Variants in PRAME observed in about 807,000 individuals in gnomAD.
PRAME encodes the protein melanoma antigen preferentially expressed in tumors.
Under a neutral mutation model 32.1 loss-of-function variants are expected in PRAME, and 21 were observed. That is an observed-to-expected ratio of 0.65 (90% CI 0.46 to 0.94). The LOEUF (loss-of-function observed/expected upper bound fraction) is 0.94. Among genes scored for constraint, PRAME ranks in the 40% least tolerant of loss-of-function variants. The pLI is 0.00. For synonymous variants in PRAME, 274 were observed against 251.5 expected, an observed-to-expected ratio of 1.09 and a Z score of -0.85; for missense variants, 651 against 622.3, an observed-to-expected ratio of 1.05 and a Z score of -0.49.
intron 3 of PRAME, among the ~76,000 whole-genome samples, chr22:22,552,123 A>T (rs1009343964): frequency 2.0e-5 from 3 of 150,400 alleles, no homozygotes; most frequent in African/African-American, 7.3e-5. Context: ...TCTCTATTAA[A>T]AAAAAAAAAA....
At chr22:22,551,386 T>C (rs943854754) in intron 3 of PRAME, among the ~76,000 whole-genome samples, 4 of 151,884 alleles carry the variant, frequency 2.6e-5, no homozygotes, top group Non-Finnish European at 5.9e-5. Context: ...AAGTGAGAAC[T>C]AAGGAGCCTG....
chr22:22,553,973 C>T (rs2062753741), intron 3 of PRAME: 1 of 985,080 alleles, frequency 1.0e-6, no homozygotes, highest in South Asian at 4.7e-5. Flanking sequence ...AACAGCTGTT[C>T]TTTCTTGCCC....
At chr22:22,549,141 G>A (rs943269604) in intron 5 of PRAME, among the ~76,000 whole-genome samples, 2 of 151,882 alleles carry the variant, frequency 1.3e-5, no homozygotes, top group African/African-American at 4.8e-5. Context: ...GGGGTTCCCA[G>A]GCTGCAGGGC....
chr22:22,551,219 A>C (rs1432304885), intron 3 of PRAME, 130 bp from the exon 4 acceptor site: 2 of 800,268 alleles, frequency 2.5e-6, no homozygotes, highest in African/African-American at 3.5e-5. Flanking sequence ...GGGAGTTCTC[A>C]GTTTACCCCG....
intron 5 of PRAME, among the ~76,000 whole-genome samples, chr22:22,549,166 G>T (rs1047834394): frequency 6.6e-6 from 1 of 151,828 alleles, no homozygotes; most frequent in African/African-American, 2.4e-5. Context: ...TTAGGTCACT[G>T]TATCATCAGC....
Position 22,556,733 on chromosome 22 carries a change from C to G in PRAME, c.21+79G>C, listed in dbSNP as rs1164347832. On this transcript the variant is annotated intron_variant, in intron 3 of 5. Transcript: ENST00000405655. The stretch of plus-strand genomic sequence containing the variant: ...CTGTGAGGGACCTCAGGATGCAGCT[C>G]CCATCTGGCTCGAGTGACAAGGACA... 8 of 1,556,892 alleles carry G rather than the reference C, an allele frequency of 5.1e-6. No individual in the cohort carries two copies. The East Asian group carries it at 1.8e-4, about 35-fold the overall frequency.
Position 22,548,275 on chromosome 22 carries a change from T to C in PRAME, c.1322A>G (p.Tyr441Cys), listed in dbSNP as rs780997934. 3.1e-6 allele frequency: 5 copies of C among 1,613,696 alleles called. No individual in the cohort carries two copies. Among genetic ancestry groups the C allele is most frequent in the Non-Finnish European group, 4.2e-6 (5 of 1,179,970 alleles). The change falls in exon 6 of 6, where the codon TAT (tyrosine) becomes TGT (cysteine). Residue 441 changes from tyrosine to cysteine, a missense_variant. Tyr to Cys is a radical substitution (Grantham distance 194, BLOSUM62 -2). Coordinates refer to ENST00000405655, the MANE Select transcript of PRAME (RefSeq NM_206956.3). The stretch of plus-strand genomic sequence containing the variant: ...CTCATAACTCTCCAGGGGGACAGGA[T>C]ACAGCACGTGGGTCAGATTGCTCAG... ...IGLSNLTHVL[Y>C]PVPLESYEDI...
chr22:22,554,136 C>T (rs1601824828), intron 3 of PRAME: 1 of 985,098 alleles, frequency 1.0e-6, no homozygotes, highest in Non-Finnish European at 1.2e-6. Flanking sequence ...TAAGGATCTG[C>T]TTAGGGATGA....
At chr22:22,552,796 G>A (rs1165288501) in intron 3 of PRAME, 4 of 470,222 alleles carry the variant, frequency 8.5e-6, no homozygotes, top group Non-Finnish European at 1.3e-5. Flanking sequence ...ATAGCCTGAG[G>A]CTCCCGACTC....
Position 22,548,464 on chromosome 22 carries a change from G to A in PRAME, c.1133C>T (p.Ala378Val), listed in dbSNP as rs1330513615. 5 of 1,613,584 alleles carry A rather than the reference G, an allele frequency of 3.1e-6. No homozygotes were observed. The highest frequency in any genetic ancestry group is 4.2e-6 in the Non-Finnish European group (5 of 1,179,956). Residue 378 changes from alanine (A) to valine (V), a missense_variant, in exon 6 of 6, where the codon GCC becomes GTC. Physicochemically the swap from Ala to Val is moderately conservative, Grantham distance 64. Transcript: ENST00000405655. ...PLQALLERAS[A>V]TLQDLVFDEC... ...ATCAAAGACCAGGTCCTGGAGGGTGGCAGAGGCTCTCTCCAGCAGAGCTTG... is the reference window on the plus strand; with the variant it reads ...ATCAAAGACCAGGTCCTGGAGGGTGACAGAGGCTCTCTCCAGCAGAGCTTG...
Position 22,548,535 on chromosome 22 carries a change from C to T in PRAME, c.1062G>A (p.Leu354=). The part of the protein sequence containing the change: ...QSPSVSQLSV[L]SLSGVMLTDV... Reference sequence around the variant, plus strand: ...CGGTCAGCATGACCCCACTTAGACTCAGGACACTTAGCTGACTGACGCTGG... The same window carrying T: ...CGGTCAGCATGACCCCACTTAGACTTAGGACACTTAGCTGACTGACGCTGG... The change falls in exon 6 of 6, where the codon CTG becomes CTA. Residue 354 remains leucine (L), a synonymous_variant. Coordinates refer to ENST00000405655, the MANE Select transcript of PRAME (RefSeq NM_206956.3). 6.2e-7 allele frequency: 1 copy of T among 1,613,660 alleles called. No individual in the cohort carries two copies. The highest frequency in any genetic ancestry group is 8.5e-7 in the Non-Finnish European group (1 of 1,179,944).
intron 3 of PRAME, chr22:22,554,254 C>T (rs1374677931): frequency 4.1e-6 from 4 of 984,856 alleles, no homozygotes; most frequent in Non-Finnish European, 4.8e-6. Context: ...GAAGTCCCTA[C>T]AATTCTTATA....
chr22:22,553,149 T>C (rs1030064228), intron 3 of PRAME, among the ~76,000 whole-genome samples: 1 of 151,812 alleles, frequency 6.6e-6, no homozygotes, highest in Admixed American at 6.6e-5. Flanking sequence ...ACCCAAATAG[T>C]CCAGTTAAGA....
In PRAME at chr22:22,549,885, A is replaced by G. The variant is rs559876942; in HGVS notation, c.794T>C (p.Leu265Pro). 4 of 1,613,820 alleles carry G rather than the reference A, an allele frequency of 2.5e-6. No individual in the cohort carries two copies. The South Asian group carries it at 4.4e-5, about 18-fold the overall frequency. The stretch of plus-strand genomic sequence containing the variant: ...AGATGCATGGATGTGGGAGAGGAGG[A>G]GTCTACGCAGATTAATCATCTGGCC... The part of the protein sequence containing the change: ...YLGQMINLRR[L>P]LLSHIHASSY... Residue 265 changes from leucine (L) to proline (P), a missense_variant, in exon 5 of 6, where the codon CTC becomes CCC. Coordinates refer to ENST00000405655, the MANE Select transcript of PRAME (RefSeq NM_206956.3).
At chr22:22,553,201 CCAAA>C (rs1180730846) in intron 3 of PRAME, among the ~76,000 whole-genome samples, 10 of 151,912 alleles carry the variant, frequency 6.6e-5, no homozygotes, top group African/African-American at 2.4e-4. Context: ...CTTCCCACTC[CCAAA>C]CAATCCCCAA....
chr22:22,551,305 G>A (rs571748719), intron 3 of PRAME, among the ~76,000 whole-genome samples: 3 of 151,784 alleles, frequency 2.0e-5, no homozygotes, highest in East Asian at 2.0e-4. Flanking sequence ...AAGTGTAGAG[G>A]AGGGGACAGG....
At chr22:22,556,489 T>G (rs2062927534) in intron 3 of PRAME, among the ~76,000 whole-genome samples, 1 of 124,064 alleles carries the variant, frequency 8.1e-6, no homozygotes, top group African/African-American at 3.2e-5. Context: ...TTTCTGTACT[T>G]TTAGTAGACG....
intron 3 of PRAME, among the ~76,000 whole-genome samples, chr22:22,551,634 T>TA (rs750514674): frequency 1.6e-4 from 21 of 134,398 alleles, no homozygotes; most frequent in South Asian, 4.7e-4. Context: ...GGAAGTACAA[T>TA]AAAAAAAAAA....
Position 22,548,511 on chromosome 22 carries a change from G to C in PRAME, c.1086C>G (p.Thr362=), listed in dbSNP as rs78894197. The C allele has an allele frequency of 5.3e-4, 863 of 1,613,690 alleles. 6 individuals carry two copies. In the African/African-American group the frequency reaches 0.011, roughly 20 times the overall value. The change falls in exon 6 of 6, where the codon ACC becomes ACG. Residue 362 remains threonine, a synonymous_variant. Coordinates refer to ENST00000405655, the MANE Select transcript of PRAME (RefSeq NM_206956.3). ...CTTGGAGGGGCTCGGGACTTACATCGGTCAGCATGACCCCACTTAGACTCA... is the reference window on the plus strand; with the variant it reads ...CTTGGAGGGGCTCGGGACTTACATCCGTCAGCATGACCCCACTTAGACTCA... ...SVLSLSGVML[T]DVSPEPLQAL...
Sources: allele counts gnomAD v4.1 joint callset (sites outside exome capture counted in the v4.1 genomes callset), GRCh38; gene constraint gnomAD v4.1.1; transcripts MANE v1.5; gene names NCBI Gene and HGNC (gene_info 2026-07-23, HGNC 2026-07-21).